Variants in BBX observed in about 807,000 individuals in gnomAD.
BBX encodes HMG box transcription factor BBX.
BBX carries 30 observed loss-of-function variants against 100.2 expected under a neutral mutation model. The observed-to-expected ratio is 0.30, with a 90% CI of 0.22 to 0.41. The LOEUF is 0.41. Among genes scored for constraint, BBX ranks in the 10% least tolerant of loss-of-function variants. The probability of loss-of-function intolerance (pLI) is 1.00; values close to 1 mark genes in which losing one functional copy is unlikely to be tolerated. For missense variants in BBX, 1,023 were observed against 1,129.8 expected (o/e 0.91, Z 1.35); for synonymous variants, 376 against 388.1 (o/e 0.97, Z 0.37).
chr3:107,745,668 G>A (rs2064521323), intron 8 of BBX, among the ~76,000 whole-genome samples: 1 of 151,802 alleles, frequency 6.6e-6, no homozygotes, highest in Admixed American at 6.6e-5. Context: ...TGCCCAGGCT[G>A]TTCTTGAATT....
chr3:107,774,812 G>A lies in BBX; in HGVS notation c.2009G>A (p.Ser670Asn). 6.2e-7 allele frequency: 1 copy of A among 1,613,580 alleles called. No individual in the cohort carries two copies. The highest frequency in any genetic ancestry group is 2.2e-5 in the East Asian group (1 of 44,860). Residue 670 changes from serine to asparagine, a missense_variant, in exon 12 of 18, where the codon AGC becomes AAC. This residue lies in a region of BBX where 215 missense variants were observed against 211.3 expected (regional missense o/e 1.02). Coordinates refer to ENST00000325805, the MANE Select transcript of BBX (RefSeq NM_001142568.3). ...WTFSQSGTSG[S>N]KKFKKTKPKE... ...TTTAGTCAGAGTGGGACCAGTGGGA[G>A]CAAGAAGTTCAAGAAGACAAAGCCA... is the stretch of plus-strand genomic sequence containing the variant.
At chr3:107,666,639 C>T (rs781629001) in intron 3 of BBX, among the ~76,000 whole-genome samples, 3 of 152,182 alleles carry the variant, frequency 2.0e-5, no homozygotes, top group Non-Finnish European at 2.9e-5. Context: ...GATCTCGGCT[C>T]ACTGCAACCT....
rs184224824 is a variant in BBX at position 107,540,018 on chromosome 3, G to T, written c.-84+13620G>T. Among the ~76,000 whole-genome samples the T allele has an allele frequency of 1.4e-3, 217 of 152,228 alleles. 1 individual carries two copies. Among genetic ancestry groups the T allele is most frequent in the African/African-American group, 5.0e-3 (207 of 41,518 alleles). ...GATGAGAACAGTCTAGCTCAGCATG[G>T]GGATCTGGTAAGAATTGGGACAATT... On this transcript the variant is annotated intron_variant, in intron 2 of 17. Coordinates refer to ENST00000325805, the MANE Select transcript of BBX (RefSeq NM_001142568.3).
At chr3:107,761,321 A>G (rs1413790505) in intron 10 of BBX, among the ~76,000 whole-genome samples, 1 of 152,184 alleles carries the variant, frequency 6.6e-6, no homozygotes, top group African/African-American at 2.4e-5. Context: ...GCAAATAAAT[A>G]TATACTTGAA....
intron 2 of BBX, among the ~76,000 whole-genome samples, chr3:107,547,618 A>G (rs1217095360): frequency 1.3e-5 from 2 of 152,274 alleles, no homozygotes; most frequent in East Asian, 3.9e-4. Context: ...TATAATATGT[A>G]CTTACTGCCT....
chr3:107,751,154 TGGAA>T (rs972891032), intron 9 of BBX, among the ~76,000 whole-genome samples: 22 of 152,186 alleles, frequency 1.4e-4, no homozygotes, highest in Admixed American at 1.4e-3. Context: ...AACTTCACGG[TGGAA>T]GGGTCAAGAG....
At chr3:107,635,414 T>C (rs2056792201) in intron 2 of BBX, among the ~76,000 whole-genome samples, 1 of 152,218 alleles carries the variant, frequency 6.6e-6, no homozygotes, top group African/African-American at 2.4e-5. Context: ...CTGCCATCCA[T>C]AAGCAAATTT....
chr3:107,656,206 G>A (rs2058131788), intron 3 of BBX, among the ~76,000 whole-genome samples: 1 of 152,072 alleles, frequency 6.6e-6, no homozygotes, highest in Admixed American at 6.6e-5. Context: ...CTTCAGAAAT[G>A]TTCTGTGAAA....
chr3:107,634,545 A>G (rs190164547), intron 2 of BBX, among the ~76,000 whole-genome samples: 15 of 152,354 alleles, frequency 9.8e-5, no homozygotes, highest in African/African-American at 2.6e-4. Flanking sequence ...TATCAAGTCT[A>G]TATCATAGAC....
At chr3:107,561,279 T>C (rs1291136904) in intron 2 of BBX, among the ~76,000 whole-genome samples, 2 of 152,210 alleles carry the variant, frequency 1.3e-5, no homozygotes, top group African/African-American at 4.8e-5. Context: ...GTCCTGGTTA[T>C]GTAGAATCCA....
At chr3:107,596,323 C>T (rs1436842982) in intron 2 of BBX, among the ~76,000 whole-genome samples, 1 of 151,908 alleles carries the variant, frequency 6.6e-6, no homozygotes, top group African/African-American at 2.4e-5. Context: ...GGAGCCTGAC[C>T]AAAAAGGGGA....
chr3:107,524,369 T>G (rs2047586953), intron 1 of BBX: 1 of 152,164 alleles, frequency 6.6e-6, no homozygotes, highest in Admixed American at 6.5e-5. Context: ...ACTCGAGGTT[T>G]CTTTTCCTCC....
chr3:107,708,497 A>T (rs2107282493), intron 3 of BBX, among the ~76,000 whole-genome samples: 1 of 152,184 alleles, frequency 6.6e-6, no homozygotes, highest in Admixed American at 6.5e-5. Context: ...AATATGGTGA[A>T]ACCCCGTCTC....
In BBX at chr3:107,716,666, A is replaced by G; in HGVS notation, c.222A>G (p.Glu74=). The G allele has an allele frequency of 4.3e-6, 7 of 1,613,832 alleles. No individual in the cohort carries two copies. The highest frequency in any genetic ancestry group is 1.3e-5 in the African/African-American group (1 of 75,026). The change falls in exon 5 of 18, where the codon GAA becomes GAG. Residue 74 remains glutamate (E), a synonymous_variant. Transcript: ENST00000325805. ...EQDVGETEDD[E]SPEQRARRPM... ...ATGTTGGTGAAACTGAAGATGATGA[A>G]TCACCAGAGCAGCGAGCCCGGAGAC...
At chr3:107,717,365 C>A (rs928681083) in intron 5 of BBX, among the ~76,000 whole-genome samples, 1 of 152,054 alleles carries the variant, frequency 6.6e-6, no homozygotes, top group African/African-American at 2.4e-5. Context: ...CATAAGTCAA[C>A]ATCTGCATCT....
intron 6 of BBX, among the ~76,000 whole-genome samples, chr3:107,732,597 C>A (rs1279978121): frequency 6.6e-6 from 1 of 152,104 alleles, no homozygotes; most frequent in Admixed American, 6.5e-5. Context: ...TCTAAAATTT[C>A]TCAGAAGACA....
chr3:107,779,483 C>G (rs2067651876), intron 13 of BBX, among the ~76,000 whole-genome samples: 6 of 151,994 alleles, frequency 3.9e-5, no homozygotes, highest in Admixed American at 3.9e-4. Context: ...AGATGAAGAA[C>G]TTGGGTGGCT....
chr3:107,729,041 G>A (rs540532490), intron 6 of BBX, 81 bp downstream of exon 6: 120 of 1,416,622 alleles, frequency 8.5e-5, no homozygotes, highest in South Asian at 8.3e-4. Context: ...TACTGAGGGC[G>A]GGGGGACAAA....
At chr3:107,739,308 A>G (rs1281164700) in intron 7 of BBX, among the ~76,000 whole-genome samples, 5 of 152,198 alleles carry the variant, frequency 3.3e-5, no homozygotes, top group Admixed American at 2.6e-4. Flanking sequence ...GAACCTCATC[A>G]AAACTTTTAT....
Sources: allele counts gnomAD v4.1 joint callset (sites outside exome capture counted in the v4.1 genomes callset), GRCh38; gene constraint gnomAD v4.1.1; regional missense constraint gnomAD v4.1.1; transcripts MANE v1.5; gene names NCBI Gene and HGNC (gene_info 2026-07-23, HGNC 2026-07-21).